Variants in ST8SIA6 observed in about 807,000 individuals in gnomAD.
ST8SIA6 encodes the protein ST8 alpha-N-acetyl-neuraminide alpha-2,8-sialyltransferase 6.
Under a neutral mutation model 33.6 loss-of-function variants are expected in ST8SIA6, and 39 were observed. The ratio of observed to expected loss-of-function variants is 1.16; its 90% CI spans 0.90 to 1.52. ST8SIA6 has a LOEUF of 1.52. Among genes scored for constraint, ST8SIA6 ranks in the 40% most tolerant of loss-of-function variants. The pLI is 0.00. For synonymous variants in ST8SIA6, 172 were observed against 167.2 expected (o/e 1.03, Z -0.22); for missense variants, 441 against 443.8 (o/e 0.99, Z 0.06).
intron 6 of ST8SIA6, among the ~76,000 whole-genome samples, chr10:17,324,463 G>A (rs929782704): frequency 5.9e-5 from 9 of 151,864 alleles, no homozygotes; most frequent in South Asian, 2.1e-4. Context: ...TCAGTAGTGG[G>A]CCTCCCACAA....
chr10:17,375,435 A>G (rs1849880555), intron 3 of ST8SIA6, among the ~76,000 whole-genome samples: 1 of 152,230 alleles, frequency 6.6e-6, no homozygotes, highest in Non-Finnish European at 1.5e-5. Context: ...CTCCAGGATA[A>G]TAGAGTGAAG....
At chr10:17,428,992 C>G (rs771939126) in intron 2 of ST8SIA6, among the ~76,000 whole-genome samples, 27 of 152,146 alleles carry the variant, frequency 1.8e-4, no homozygotes, top group African/African-American at 4.3e-4. Flanking sequence ...CGCCACACCC[C>G]CTTCCTGTTG....
intron 5 of ST8SIA6, among the ~76,000 whole-genome samples, chr10:17,329,160 G>A (rs927334826): frequency 4.6e-5 from 7 of 152,184 alleles, no homozygotes; most frequent in Admixed American, 3.3e-4. Flanking sequence ...GTTTGCCTTT[G>A]AAATGTAAAA....
At chr10:17,322,965 T>C in intron 7 of ST8SIA6, 100 bp downstream of exon 7, 1 of 1,080,232 alleles carries the variant, frequency 9.3e-7, no homozygotes, top group Non-Finnish European at 1.3e-6. Flanking sequence ...CCACCTGTAC[T>C]GCAAGTCAGT....
At chr10:17,379,363 G>C (rs144347027) in intron 3 of ST8SIA6, among the ~76,000 whole-genome samples, 2 of 152,134 alleles carry the variant, frequency 1.3e-5, no homozygotes, top group East Asian at 3.9e-4. Flanking sequence ...TCACCTTAGC[G>C]TTTGTTCCGT....
At chr10:17,383,318 A>G (rs1022016238) in intron 3 of ST8SIA6, among the ~76,000 whole-genome samples, 4 of 152,208 alleles carry the variant, frequency 2.6e-5, no homozygotes, top group Non-Finnish European at 5.9e-5. Flanking sequence ...AGTCCAAAAA[A>G]TGACATAATT....
Position 17,417,954 on chromosome 10 carries a change from A to C in ST8SIA6, c.201-27334T>G, listed in dbSNP as rs543626634. Among the ~76,000 whole-genome samples, 14 of 152,322 alleles carry C rather than the reference A, an allele frequency of 9.2e-5. No homozygotes were observed. The East Asian group carries it at 2.7e-3, about 29-fold the overall frequency. ...GAGGGAGTACAGGAAGGGGAAAGAA[A>C]TCTATATAGTCCAGGTGTAAGTGAG... On this transcript the variant is annotated intron_variant, in intron 2 of 7. Transcript: ENST00000377602.
intron 4 of ST8SIA6, among the ~76,000 whole-genome samples, chr10:17,336,340 G>A (rs1369741089): frequency 2.0e-5 from 3 of 152,100 alleles, no homozygotes; most frequent in Non-Finnish European, 4.4e-5. Context: ...ATAAGCGCTT[G>A]AATAACCAGC....
intron 4 of ST8SIA6, among the ~76,000 whole-genome samples, chr10:17,339,113 C>CT (rs1848595558): frequency 9.6e-6 from 1 of 103,922 alleles, no homozygotes; most frequent in South Asian, 2.7e-4. Flanking sequence ...TGTAAAAATT[C>CT]CTTTTTTTTT....
chr10:17,380,203 T>A (rs916942230), intron 3 of ST8SIA6, among the ~76,000 whole-genome samples: 1 of 152,158 alleles, frequency 6.6e-6, no homozygotes, highest in Admixed American at 6.5e-5. Context: ...GGAAGATAAG[T>A]TTTGTTTTGT....
chr10:17,427,442 G>A (rs1328267489), intron 2 of ST8SIA6, among the ~76,000 whole-genome samples: 2 of 152,184 alleles, frequency 1.3e-5, no homozygotes, highest in African/African-American at 4.8e-5. Context: ...ATGGAGACCT[G>A]ATGGAGACCT....
At chr10:17,378,165 T>C (rs796898310) in intron 3 of ST8SIA6, among the ~76,000 whole-genome samples, 49 of 152,198 alleles carry the variant, frequency 3.2e-4, no homozygotes, top group African/African-American at 1.2e-3. Context: ...AAGGCAAACA[T>C]GGGGGTATGG....
chr10:17,392,146 C>T (rs934231673), intron 2 of ST8SIA6, among the ~76,000 whole-genome samples: 1 of 152,144 alleles, frequency 6.6e-6, no homozygotes, highest in Non-Finnish European at 1.5e-5. Flanking sequence ...ATGGAGCTTG[C>T]AGTCTGAATA....
chr10:17,453,595 C>T lies in ST8SIA6; in HGVS notation c.164G>A (p.Arg55Gln), dbSNP rs1853001864. 7.5e-7 allele frequency: 1 copy of T among 1,331,350 alleles called. No individual in the cohort carries two copies. 82.5% of individuals were successfully genotyped at this position (1,331,350 alleles called of 1,614,324 possible). Reference protein sequence around the residue: ...HGTPAALRTLRSPATAVPRAT... With the variant: ...HGTPAALRTLQSPATAVPRAT... Reference sequence around the variant, plus strand: ...GCGCGGTACCGCGGTCGCCGGGCTCCGGAGCGTCCTCAGCGCTGCGGGGGT... The same window carrying T: ...GCGCGGTACCGCGGTCGCCGGGCTCTGGAGCGTCCTCAGCGCTGCGGGGGT... Residue 55 changes from arginine (R) to glutamine (Q), a missense_variant, in exon 2 of 8, where the codon CGG becomes CAG. Transcript: ENST00000377602.
At chr10:17,430,109 T>A (rs1182480016) in intron 2 of ST8SIA6, among the ~76,000 whole-genome samples, 2 of 152,200 alleles carry the variant, frequency 1.3e-5, no homozygotes, top group African/African-American at 2.4e-5. Context: ...TGCCTCTGCA[T>A]ACTCATAGCT....
At chr10:17,337,282 C>T (rs193187039) in intron 4 of ST8SIA6, among the ~76,000 whole-genome samples, 137 of 152,290 alleles carry the variant, frequency 9.0e-4, no homozygotes, top group Non-Finnish European at 1.8e-3. Context: ...AACCTCTTTT[C>T]CTTATAAATT....
chr10:17,397,648 T>C (rs1346779540), intron 2 of ST8SIA6, among the ~76,000 whole-genome samples: 6 of 152,194 alleles, frequency 3.9e-5, no homozygotes, highest in African/African-American at 1.4e-4. Flanking sequence ...ATCCACCACC[T>C]GGCCCCTGCC....
Position 17,317,172 on chromosome 10 carries a change from A to G in ST8SIA6, c.*3706T>C, listed in dbSNP as rs1021801123. 1.5e-4 allele frequency among the ~76,000 whole-genome samples: 23 copies of G among 152,190 alleles called. No individual in the cohort carries two copies. The highest frequency in any genetic ancestry group is 6.6e-4 in the Admixed American group (10 of 15,264). The stretch of plus-strand genomic sequence containing the variant: ...TTATTTTTCTCCATAGAGTGAGCCA[A>G]TGTTTCAATATTATCTGCTAAAGAG... On this transcript the variant is annotated 3_prime_UTR_variant, in exon 8 of 8. Coordinates refer to ENST00000377602, the MANE Select transcript of ST8SIA6 (RefSeq NM_001004470.3).
chr10:17,388,038 A>G (rs1418602239), intron 3 of ST8SIA6, among the ~76,000 whole-genome samples: 1 of 152,248 alleles, frequency 6.6e-6, no homozygotes, highest in Non-Finnish European at 1.5e-5. Context: ...ACAGACTCAG[A>G]CAAAGCAGAG....
Sources: allele counts gnomAD v4.1 joint callset (sites outside exome capture counted in the v4.1 genomes callset), GRCh38; gene constraint gnomAD v4.1.1; transcripts MANE v1.5; gene names NCBI Gene and HGNC (gene_info 2026-07-23, HGNC 2026-07-21).